Variants in ZSWIM5 observed in about 807,000 individuals in gnomAD.
ZSWIM5 encodes the protein zinc finger SWIM-type containing 5, also known as zinc finger SWIM domain-containing protein 5.
A neutral mutation model predicts 119.6 loss-of-function variants in ZSWIM5; 55 were observed. The ratio of observed to expected loss-of-function variants is 0.46; its 90% confidence interval spans 0.37 to 0.58. ZSWIM5 has a LOEUF of 0.58. Among genes scored for constraint, ZSWIM5 ranks in the 20% least tolerant of loss-of-function variants. ZSWIM5 has a pLI of 0.00. For synonymous variants in ZSWIM5, 537 were observed against 606.9 expected (o/e 0.88, Z 1.69); for missense variants, 1,193 against 1,512.8 (o/e 0.79, Z 3.51).
At chr1:45,093,100 G>A (rs1645377892) in intron 1 of ZSWIM5, among the ~76,000 whole-genome samples, 1 of 152,162 alleles carries the variant, frequency 6.6e-6, no homozygotes, top group African/African-American at 2.4e-5. Flanking sequence ...GACAAAGCCA[G>A]GATTCACACC....
chr1:45,182,231 C>T (rs1338213773), intron 1 of ZSWIM5, among the ~76,000 whole-genome samples: 1 of 152,002 alleles, frequency 6.6e-6, no homozygotes, highest in Non-Finnish European at 1.5e-5. Context: ...GGTGAAACCC[C>T]GTCTCTACTA....
At chr1:45,178,627 TTGATA>T (rs1645995417) in intron 1 of ZSWIM5, among the ~76,000 whole-genome samples, 1 of 152,168 alleles carries the variant, frequency 6.6e-6, no homozygotes, top group Admixed American at 6.6e-5. Context: ...CATTTCTGAT[TTGATA>T]TAACAAAAGT....
intron 1 of ZSWIM5, among the ~76,000 whole-genome samples, chr1:45,174,750 A>C (rs1570180444): frequency 6.6e-6 from 1 of 152,068 alleles, no homozygotes; most frequent in East Asian, 1.9e-4. Flanking sequence ...AAAAAAAAGA[A>C]AAAGATTATC....
chr1:45,055,193 T>C (rs1389144483), intron 4 of ZSWIM5, among the ~76,000 whole-genome samples: 1 of 152,186 alleles, frequency 6.6e-6, no homozygotes, highest in East Asian at 1.9e-4. Context: ...GGTTTCACCG[T>C]GTCAGCCAGG....
At chr1:45,166,977 A>G (rs1288425463) in intron 1 of ZSWIM5, among the ~76,000 whole-genome samples, 2 of 152,174 alleles carry the variant, frequency 1.3e-5, no homozygotes, top group African/African-American at 4.8e-5. Flanking sequence ...ACTACTTTAA[A>G]GTTCAGACGG....
intron 8 of ZSWIM5, among the ~76,000 whole-genome samples, chr1:45,038,500 T>C (rs1644998943): frequency 6.7e-6 from 1 of 148,184 alleles, no homozygotes. Context: ...TGGGCAAGCA[T>C]GAAGAAACCT....
chr1:45,118,237 T>A (rs1645570550), intron 1 of ZSWIM5, among the ~76,000 whole-genome samples: 1 of 152,208 alleles, frequency 6.6e-6, no homozygotes, highest in South Asian at 2.1e-4. Context: ...CAGACAATCA[T>A]TAAGAAATAA....
chr1:45,165,146 C>T (rs922072861), intron 1 of ZSWIM5, among the ~76,000 whole-genome samples: 4 of 152,088 alleles, frequency 2.6e-5, no homozygotes, highest in Non-Finnish European at 5.9e-5. Flanking sequence ...CAAACTAGAA[C>T]TCAGGATTAA....
chr1:45,096,276 AAC>A (rs1645401078), intron 1 of ZSWIM5, among the ~76,000 whole-genome samples: 1 of 151,788 alleles, frequency 6.6e-6, no homozygotes, highest in South Asian at 2.1e-4. Flanking sequence ...CCACAGTTAA[AAC>A]ACACACACGC....
chr1:45,125,589 C>A (rs1281700163), intron 1 of ZSWIM5, among the ~76,000 whole-genome samples: 1 of 151,738 alleles, frequency 6.6e-6, no homozygotes, highest in African/African-American at 2.4e-5. Context: ...CCCTGGCTAA[C>A]ATGGTGAAAC....
chr1:45,018,523 G>A lies in ZSWIM5; in HGVS notation c.3489C>T (p.Ile1163=), dbSNP rs369261063. 184 of 1,613,964 alleles carry A rather than the reference G, an allele frequency of 1.1e-4. No homozygotes were observed. Among genetic ancestry groups the A allele is most frequent in the Middle Eastern group, 1.6e-4 (1 of 6,084 alleles). ...CTTTGTAGATCTGTTTGAGGTTGTC[G>A]ATGAACTGGGCAAACTGCAGGTGGC... is the stretch of plus-strand genomic sequence containing the variant. ...QDGHLQFAQF[I]DNLKQIYKGK... Residue 1163 remains isoleucine, a synonymous_variant, in exon 14 of 14, where the codon ATC becomes ATT. Coordinates refer to ENST00000359600, the MANE Select transcript of ZSWIM5 (RefSeq NM_020883.2). This position sits in a 1 kb window ranked among gnomAD's most constrained non-coding sequence, Gnocchi z 6.7.
intron 1 of ZSWIM5, among the ~76,000 whole-genome samples, chr1:45,094,691 G>T (rs1374030262): frequency 3.3e-5 from 5 of 151,976 alleles, no homozygotes; most frequent in African/African-American, 1.2e-4. Context: ...GCGAAACCCT[G>T]CCTCCATGAA....
At chr1:45,181,066 A>G (rs1051844663) in intron 1 of ZSWIM5, among the ~76,000 whole-genome samples, 9 of 152,190 alleles carry the variant, frequency 5.9e-5, no homozygotes, top group African/African-American at 2.2e-4. Flanking sequence ...CACCAGCAAC[A>G]GAACAAAGCT....
intron 2 of ZSWIM5, among the ~76,000 whole-genome samples, chr1:45,064,404 C>T (rs1229148890): frequency 6.6e-6 from 1 of 152,154 alleles, no homozygotes; most frequent in East Asian, 1.9e-4. Flanking sequence ...AGGCTCATCA[C>T]AGCACTGAGT....
chr1:45,075,357 T>C (rs755436539), intron 2 of ZSWIM5, among the ~76,000 whole-genome samples: 2 of 150,348 alleles, frequency 1.3e-5, no homozygotes, highest in Non-Finnish European at 2.9e-5. Flanking sequence ...TTAGCTGTAA[T>C]AGTATTTGCT....
chr1:45,122,696 A>G (rs777186913), intron 1 of ZSWIM5, among the ~76,000 whole-genome samples: 13 of 152,294 alleles, frequency 8.5e-5, no homozygotes, highest in Middle Eastern at 3.4e-3. Flanking sequence ...AAAACACAGA[A>G]AAACACAAAA....
chr1:45,190,066 C>G (rs1027284896), intron 1 of ZSWIM5, among the ~76,000 whole-genome samples: 1 of 152,118 alleles, frequency 6.6e-6, no homozygotes, highest in Non-Finnish European at 1.5e-5. Flanking sequence ...GTAATCCCAG[C>G]ACTATGGGAG....
intron 1 of ZSWIM5, among the ~76,000 whole-genome samples, chr1:45,099,071 T>A (rs928034248): frequency 3.3e-5 from 5 of 151,708 alleles, no homozygotes; most frequent in Admixed American, 2.6e-4. Context: ...AAGGAGACAG[T>A]GACACAAAAA....
intron 1 of ZSWIM5, among the ~76,000 whole-genome samples, chr1:45,170,746 A>G (rs1215678539): frequency 6.6e-6 from 1 of 151,142 alleles, no homozygotes; most frequent in Non-Finnish European, 1.5e-5. Flanking sequence ...TAATTTAAAA[A>G]TTATTGGTTT....
Sources: gnomAD v4.1 joint callset for allele counts (sites outside exome capture counted in the v4.1 genomes callset) on GRCh38, gnomAD v4.1.1 for gene constraint, Gnocchi (gnomAD v3.1) non-coding constraint, MANE v1.5 for transcripts, NCBI Gene and HGNC (gene_info 2026-07-23, HGNC 2026-07-21) for gene names.